GLI2: variants seen among roughly 807,000 people sequenced by gnomAD.
GLI2 encodes the protein GLI family zinc finger 2, also known as transcription activator GLI2.
Under a neutral mutation model 78.9 loss-of-function variants are expected in GLI2, and 22 were observed. The ratio of observed to expected loss-of-function variants is 0.28; its 90% CI spans 0.20 to 0.40. GLI2 has a LOEUF of 0.40. GLI2 is among the 10% of genes least tolerant of loss of function. The pLI is 1.00. For synonymous variants in GLI2, 974 were observed against 963.7 expected (o/e 1.01, Z -0.20); for missense variants, 2,097 against 2,213.2 (o/e 0.95, Z 1.05).
intron 1 of GLI2, among the ~76,000 whole-genome samples, chr2:120,771,007 A>C (rs980538518): frequency 6.6e-6 from 1 of 152,190 alleles, no homozygotes; most frequent in Non-Finnish European, 1.5e-5. Flanking sequence ...ACTCACCAGG[A>C]ATCTGCATTT....
chr2:120,964,507 G>T (rs1681737927), intron 5 of GLI2, among the ~76,000 whole-genome samples: 1 of 152,218 alleles, frequency 6.6e-6, no homozygotes, highest in African/African-American at 2.4e-5. Context: ...TGCTAGGGGT[G>T]GAGTTTGAAA....
chr2:120,792,864 G>A lies in GLI2; in HGVS notation c.-30-4427G>A, dbSNP rs376384275. Among the ~76,000 whole-genome samples the A allele has an allele frequency of 2.0e-3, 310 of 152,228 alleles. 2 individuals are homozygous for A. The highest frequency in any genetic ancestry group is 7.2e-3 in the African/African-American group (297 of 41,526). On this transcript the variant is annotated intron_variant, in intron 1 of 13. Coordinates refer to ENST00000361492, the MANE Select transcript of GLI2 (RefSeq NM_001374353.1). ...TCTTCATCTCCTGACCTCATGATCCGCCTGCCTCGGCCTCCCAAAGTGCTG... is the reference window on the plus strand; with the variant it reads ...TCTTCATCTCCTGACCTCATGATCCACCTGCCTCGGCCTCCCAAAGTGCTG...
chr2:120,766,668 A>ACT (rs1683375850), intron 1 of GLI2, among the ~76,000 whole-genome samples: 1 of 152,226 alleles, frequency 6.6e-6, no homozygotes, highest in Non-Finnish European at 1.5e-5. Flanking sequence ...CTTCTGTTTA[A>ACT]GGTCTTTATG....
rs750258535 is a variant in GLI2, at chr2:120,927,345, C to T, written c.149-16C>T. The T allele has an allele frequency of 3.5e-5, 55 of 1,583,266 alleles. No homozygotes were observed. The highest frequency in any genetic ancestry group is 2.5e-5 in the Non-Finnish European group (29 of 1,151,982). On this transcript the variant is annotated splice_polypyrimidine_tract_variant and intron_variant, in intron 2 of 13. Transcript: ENST00000361492. ...GGAAAGTTTTTGAAGTCTTGTTTCT[C>T]TCTCCCCCTCTGCAGTGCCGCAGCA...
intron 2 of GLI2, among the ~76,000 whole-genome samples, chr2:120,909,436 A>G (rs1273503063): frequency 6.6e-6 from 1 of 152,030 alleles, no homozygotes; most frequent in East Asian, 1.9e-4. Flanking sequence ...ACTGTCTTTT[A>G]CAAAGTGCCA....
At chr2:120,979,574 G>GT (rs1476780082) in intron 10 of GLI2, among the ~76,000 whole-genome samples, 2 of 152,152 alleles carry the variant, frequency 1.3e-5, no homozygotes, top group African/African-American at 2.4e-5. Flanking sequence ...TGGCAAGTCA[G>GT]TTTTTTTATT....
At chr2:120,969,190 C>G (rs546073394) in intron 6 of GLI2, among the ~76,000 whole-genome samples, 1 of 152,216 alleles carries the variant, frequency 6.6e-6, no homozygotes, top group African/African-American at 2.4e-5. Context: ...GATGGTTTTC[C>G]TAGTATTTCA....
At chr2:120,942,222 A>G (rs1357118832) in intron 3 of GLI2, among the ~76,000 whole-genome samples, 2 of 152,136 alleles carry the variant, frequency 1.3e-5, no homozygotes, top group African/African-American at 4.8e-5. Context: ...GGCTTCAAAC[A>G]ATAGAAATAT....
chr2:120,787,235 C>T (rs113584882), intron 1 of GLI2, among the ~76,000 whole-genome samples: 2,294 of 152,164 alleles, frequency 0.015, 40 homozygotes, highest in African/African-American at 0.051. Context: ...AGCATGACTG[C>T]GGTGGAATGG....
At chr2:120,781,197 T>C (rs890580894) in intron 1 of GLI2, among the ~76,000 whole-genome samples, 1 of 152,198 alleles carries the variant, frequency 6.6e-6, no homozygotes, top group African/African-American at 2.4e-5. Flanking sequence ...GGCCTGGTCC[T>C]GCTGCACCCT....
intron 2 of GLI2, among the ~76,000 whole-genome samples, chr2:120,890,139 C>T (rs1677608240): frequency 6.6e-6 from 1 of 152,206 alleles, no homozygotes; most frequent in African/African-American, 2.4e-5. Context: ...TGAAAAGGGA[C>T]AAACCATAGA....
intron 5 of GLI2, among the ~76,000 whole-genome samples, chr2:120,960,189 A>C (rs769265170): frequency 2.4e-4 from 37 of 152,346 alleles, no homozygotes; most frequent in Non-Finnish European, 3.5e-4. Flanking sequence ...CCTGAGCTCC[A>C]GCGCAGCCCT....
chr2:120,825,826 G>T lies in GLI2; in HGVS notation c.148+28358G>T, dbSNP rs116434482. ...GTCTTACCCCTGCCCCTAGGGCTAA[G>T]CCCCAAGGCCAGGAGATGTTTGGAT... On this transcript the variant is annotated intron_variant, in intron 2 of 13. Transcript: ENST00000361492. Among the ~76,000 whole-genome samples the T allele has an allele frequency of 5.2e-3, 797 of 152,336 alleles. 7 individuals are homozygous for T. Among genetic ancestry groups the T allele is most frequent in the African/African-American group, 0.018 (750 of 41,574 alleles).
In GLI2 at chr2:120,986,286, G is replaced by T; in HGVS notation, c.1914G>T (p.Gln638His). 2 of 1,613,006 alleles carry T rather than the reference G, an allele frequency of 1.2e-6. No homozygotes were observed. Among genetic ancestry groups the T allele is most frequent in the Non-Finnish European group, 1.7e-6 (2 of 1,179,950 alleles). The change falls in exon 13 of 14, where the codon CAG (glutamine) becomes CAT (histidine). Residue 638 changes from glutamine (Q) to histidine (H), a missense_variant. Physicochemically the swap from Gln to His is conservative, Grantham distance 24 (BLOSUM62 0). Transcript: ENST00000361492. Reference protein sequence around the residue: ...AIKTESSGLCQSSPGAQSSCS... With the variant: ...AIKTESSGLCHSSPGAQSSCS... The stretch of plus-strand genomic sequence containing the variant: ...TGCCTCGTCCCCTGCAGCTGTGTCA[G>T]TCCAGCCCCGGGGCCCAGTCGTCCT...
chr2:120,818,136 G>A (rs1685589692), intron 2 of GLI2, among the ~76,000 whole-genome samples: 1 of 152,220 alleles, frequency 6.6e-6, no homozygotes, highest in Non-Finnish European at 1.5e-5. Context: ...GAACACTGGG[G>A]CCTTGCAGAG....
At position 120,974,971 on chromosome 2, in the gene GLI2, C is replaced by T. The variant is rs1682382173; in HGVS notation, c.1183-4C>T. The stretch of plus-strand genomic sequence containing the variant: ...CATGTGGGTGTGCCCTTCCCCTCTC[C>T]CAGGAGCAGCTGGCTGACCTCAAGG... On this transcript the variant is annotated splice_polypyrimidine_tract_variant and splice_region_variant and intron_variant, in intron 8 of 13. Transcript: ENST00000361492. 1.9e-6 allele frequency: 3 copies of T among 1,614,238 alleles called. No individual in the cohort carries two copies. The highest frequency in any genetic ancestry group is 2.7e-5 in the African/African-American group (2 of 75,066).
At chr2:120,762,621 C>T (rs1379200506) in intron 1 of GLI2, among the ~76,000 whole-genome samples, 10 of 152,196 alleles carry the variant, frequency 6.6e-5, no homozygotes, top group Non-Finnish European at 1.3e-4. Context: ...TGTGCCTCCG[C>T]GTCTCCCTGA....
Position 120,977,257 on chromosome 2 carries a change from A to G in GLI2, c.1318-1177A>G, listed in dbSNP as rs369950893. Among the ~76,000 whole-genome samples, 21 of 152,332 alleles carry G rather than the reference A, an allele frequency of 1.4e-4. No individual in the cohort carries two copies. The South Asian group carries it at 4.3e-3, about 32-fold the overall frequency. Reference sequence around the variant, plus strand: ...GGCCACAAATGCCAGCTATCCATGTAATTTACATTTCCTAGGAGTGCATTT... The same window carrying G: ...GGCCACAAATGCCAGCTATCCATGTGATTTACATTTCCTAGGAGTGCATTT... On this transcript the variant is annotated intron_variant, in intron 9 of 13. Transcript: ENST00000361492.
At chr2:120,970,060 G>A (rs1177395916) in intron 6 of GLI2, among the ~76,000 whole-genome samples, 2 of 152,186 alleles carry the variant, frequency 1.3e-5, no homozygotes, top group Non-Finnish European at 2.9e-5. Context: ...GTTTCACGTA[G>A]TCAGGGAGCA....
Sources: gnomAD v4.1 joint callset for allele counts (sites outside exome capture counted in the v4.1 genomes callset) on GRCh38, gnomAD v4.1.1 for gene constraint, MANE v1.5 for transcripts, NCBI Gene and HGNC (gene_info 2026-07-23, HGNC 2026-07-21) for gene names.